The following SUMO2 variants were observed in gnomAD, a reference collection of about 807,000 sequenced individuals.
SUMO2 encodes small ubiquitin like modifier 2.
Under a neutral mutation model 16.0 loss-of-function variants are expected in SUMO2, and 1 was observed. That is an observed-to-expected ratio of 0.06 (90% CI 0.02 to 0.30). The LOEUF is 0.30. Among genes scored for constraint, SUMO2 ranks in the 10% least tolerant of loss-of-function variants. The pLI, the probability that SUMO2 is intolerant of heterozygous loss-of-function variation, is 1.00. For missense variants in SUMO2, 16 were observed against 117.5 expected, an observed-to-expected ratio of 0.14 and a Z score of 3.99; for synonymous variants, 36 against 40.6, an observed-to-expected ratio of 0.89 and a Z score of 0.43.
intron 3 of SUMO2, 141 bp from the exon 4 acceptor site, chr17:75,168,542 G>A: frequency 1.5e-6 from 1 of 654,962 alleles, no homozygotes; most frequent in South Asian, 2.3e-5. Flanking sequence ...ATAGCTTAAT[G>A]TATCAACACA....
At position 75,181,138 on chromosome 17, in the gene SUMO2, C is replaced by G; in HGVS notation, c.72G>C (p.Gly24=). ...TAAACTGCACCACAGAACCATCCTGCCCCGCCACCTTCAAATTAATATGAT... is the reference window on the plus strand; with the variant it reads ...TAAACTGCACCACAGAACCATCCTGGCCCGCCACCTTCAAATTAATATGAT... The part of the protein sequence containing the change: ...NNDHINLKVA[G]QDGSVVQFKI... Residue 24 remains glycine (G), a synonymous_variant, in exon 2 of 4, where the codon GGG becomes GGC. Coordinates refer to ENST00000420826, the MANE Select transcript of SUMO2 (RefSeq NM_006937.4). The G allele has an allele frequency of 6.2e-7, 1 of 1,613,950 alleles. No individual in the cohort carries two copies. The highest frequency in any genetic ancestry group is 1.3e-5 in the African/African-American group (1 of 75,018).
chr17:75,177,879 C>T (rs995364614), intron 2 of SUMO2, among the ~76,000 whole-genome samples: 2 of 151,190 alleles, frequency 1.3e-5, no homozygotes, highest in African/African-American at 2.4e-5. Flanking sequence ...ATCCCACCTA[C>T]TCAGGAGGCT....
Position 75,166,224 on chromosome 17 carries a change from T to G in SUMO2, c.*2115A>C, listed in dbSNP as rs930506788. 2 of 151,042 alleles carry G rather than the reference T, an allele frequency of 1.3e-5. No homozygotes were observed. Among genetic ancestry groups the G allele is most frequent in the Non-Finnish European group, 3.0e-5 (2 of 67,736 alleles). The allele number at this position is 151,042 out of a possible 1,614,324, so 9.4% of individuals were successfully genotyped here. A position where few individuals can be genotyped will look rare whatever the true frequency, so the allele number is the denominator to read the frequency against. ...GGCACAGTGGCTCAAGCCTGTAATC[T>G]CAGCACTTTGGGAGGCCAAGGCAGG... On this transcript the variant is annotated 3_prime_UTR_variant, in exon 4 of 4. Transcript: ENST00000420826.
intron 2 of SUMO2, among the ~76,000 whole-genome samples, chr17:75,179,766 T>C (rs950402695): frequency 3.3e-5 from 5 of 151,922 alleles, no homozygotes; most frequent in Non-Finnish European, 7.4e-5. Context: ...TTCAAGGGAT[T>C]CTCAGCCTCA....
intron 2 of SUMO2, among the ~76,000 whole-genome samples, chr17:75,178,053 G>A (rs886477935): frequency 1.9e-4 from 29 of 150,502 alleles, no homozygotes; most frequent in African/African-American, 7.1e-4. Context: ...AACTACCTGG[G>A]AGCCTGAGGT....
intron 3 of SUMO2, among the ~76,000 whole-genome samples, chr17:75,170,385 C>A (rs1423828418): frequency 6.6e-6 from 1 of 151,822 alleles, no homozygotes; most frequent in Non-Finnish European, 1.5e-5. Flanking sequence ...TCCTGGCCAA[C>A]ATGGTGAAAC....
Position 75,174,737 on chromosome 17 carries a change from GA to G in SUMO2, c.225+14del, listed in dbSNP as rs1568046911. 1 of 1,608,784 alleles carries G rather than the reference GA, an allele frequency of 6.2e-7. No homozygotes were observed. Among genetic ancestry groups the G allele is most frequent in the East Asian group, 2.2e-5 (1 of 44,828 alleles). On this transcript the variant is annotated intron_variant, in intron 3 of 3. Coordinates refer to ENST00000420826, the MANE Select transcript of SUMO2 (RefSeq NM_006937.4). Reference sequence around the variant, plus strand: ...TACAAATGGTAATTTTTCTAATTAGGAGAGATTTTTTTACCTGTGCAGGTGT... The same window carrying G: ...TACAAATGGTAATTTTTCTAATTAGGGAGATTTTTTTACCTGTGCAGGTGT...
chr17:75,178,404 CTT>C (rs1265160238), intron 2 of SUMO2, among the ~76,000 whole-genome samples: 1 of 151,236 alleles, frequency 6.6e-6, no homozygotes, highest in African/African-American at 2.4e-5. Context: ...GTCCCAGCTA[CTT>C]GGGAGGCTGA....
At chr17:75,180,466 A>G (rs1250318438) in intron 2 of SUMO2, among the ~76,000 whole-genome samples, 1 of 143,598 alleles carries the variant, frequency 7.0e-6, no homozygotes, top group African/African-American at 2.6e-5. Context: ...TAATCCCAGC[A>G]CTTTGGAAGG....
intron 2 of SUMO2, among the ~76,000 whole-genome samples, chr17:75,176,240 G>A (rs865871886): frequency 1.4e-4 from 22 of 151,954 alleles, no homozygotes; most frequent in African/African-American, 4.8e-4. Context: ...GGGTTTCACC[G>A]TGTTAGCCAG....
chr17:75,171,846 C>G (rs1009832073), intron 3 of SUMO2, among the ~76,000 whole-genome samples: 2 of 152,150 alleles, frequency 1.3e-5, no homozygotes, highest in Non-Finnish European at 2.9e-5. Context: ...TTTACTATTT[C>G]TTTTAAAACC....
At chr17:75,172,712 T>C (rs1279894903) in intron 3 of SUMO2, among the ~76,000 whole-genome samples, 1 of 151,912 alleles carries the variant, frequency 6.6e-6, no homozygotes, top group East Asian at 1.9e-4. Context: ...CAACCTCAGG[T>C]GATCCGCCCA....
At chr17:75,172,868 G>C (rs1345950104) in intron 3 of SUMO2, among the ~76,000 whole-genome samples, 3 of 152,132 alleles carry the variant, frequency 2.0e-5, no homozygotes, top group Non-Finnish European at 4.4e-5. Context: ...CAATCTGCCT[G>C]CCTCAGCCTC....
intron 2 of SUMO2, among the ~76,000 whole-genome samples, chr17:75,177,988 C>CAAAAAAAAAAAAAAAA (rs59613076): frequency 3.0e-5 from 2 of 66,418 alleles, no homozygotes; most frequent in African/African-American, 1.4e-4. Flanking sequence ...GACTCCGTCT[C>CAAAAAAAAAAAAAAAA]AAAAAAAAAA....
In SUMO2 at chr17:75,181,054, C is replaced by T. The variant is rs1171379322; in HGVS notation, c.153+3G>A. The T allele has an allele frequency of 8.1e-6, 13 of 1,613,606 alleles. No individual in the cohort carries two copies. Among genetic ancestry groups the T allele is most frequent in the Non-Finnish European group, 1.1e-5 (13 of 1,179,860 alleles). ...AGTGGAAGTACACATATGAATTCCT[C>T]ACCTGTCGTTCACAATAGGCTTTCA... is the stretch of plus-strand genomic sequence containing the variant. On this transcript the variant is annotated splice_donor_region_variant and intron_variant, in intron 2 of 3. Coordinates refer to ENST00000420826, the MANE Select transcript of SUMO2 (RefSeq NM_006937.4).
chr17:75,181,398 G>T (rs180792652), intron 1 of SUMO2, among the ~76,000 whole-genome samples: 93 of 152,184 alleles, frequency 6.1e-4, no homozygotes, highest in African/African-American at 2.1e-3. Context: ...ATACGGAAAA[G>T]CCTACATGCA....
chr17:75,182,636 G>A, intron 1 of SUMO2, 178 bp downstream of exon 1: 1 of 405,310 alleles, frequency 2.5e-6, no homozygotes, highest in Non-Finnish European at 3.9e-6. Context: ...CCTTCGGCGC[G>A]GGAGGGAGGA....
chr17:75,179,414 C>T (rs1056023127), intron 2 of SUMO2, among the ~76,000 whole-genome samples: 2 of 151,420 alleles, frequency 1.3e-5, no homozygotes, highest in Non-Finnish European at 2.9e-5. Context: ...CGTAGTCCCA[C>T]CTACTCGGGA....
chr17:75,179,014 C>G (rs1232320690), intron 2 of SUMO2, among the ~76,000 whole-genome samples: 1 of 152,184 alleles, frequency 6.6e-6, no homozygotes, highest in Non-Finnish European at 1.5e-5. Flanking sequence ...GGTCTTCCAG[C>G]CTTGGCCTCC....
Sources: allele counts gnomAD v4.1 joint callset (sites outside exome capture counted in the v4.1 genomes callset), GRCh38; gene constraint gnomAD v4.1.1; transcripts MANE v1.5; gene names NCBI Gene and HGNC (gene_info 2026-07-23, HGNC 2026-07-21).